The following AIM2 variants were observed in gnomAD, a reference collection of about 807,000 sequenced individuals.
AIM2 encodes the protein absent in melanoma 2.
Under a neutral mutation model 27.7 loss-of-function variants are expected in AIM2, and 30 were observed. The observed-to-expected ratio is 1.08, with a 90% CI of 0.81 to 1.47. The LOEUF is 1.47. AIM2 is among the 40% of genes most tolerant of loss of function. The pLI is 0.00. For synonymous variants in AIM2, 141 were observed against 145.3 expected (o/e 0.97, Z 0.21); for missense variants, 358 against 411.3 (o/e 0.87, Z 1.12).
At chr1:159,061,335 T>C (rs573966470), downstream of AIM2, among the ~76,000 whole-genome samples, 6 of 152,282 alleles carry the variant, frequency 3.9e-5, no homozygotes, top group South Asian at 4.1e-4. Flanking sequence ...ATTTTAAACA[T>C]TTAATTGGTT....
At chr1:159,115,532 T>C (rs926348858) in intron 1 of AIM2, among the ~76,000 whole-genome samples, 14 of 152,218 alleles carry the variant, frequency 9.2e-5, no homozygotes, top group Admixed American at 3.3e-4. Context: ...TAATGCCGCA[T>C]ATCCACAACC....
At chr1:159,140,805 A>G (rs552669393), upstream of AIM2, among the ~76,000 whole-genome samples, 1 of 152,308 alleles carries the variant, frequency 6.6e-6, no homozygotes, top group South Asian at 2.1e-4. Context: ...TGAACGCGGG[A>G]GGAGAGAGGT....
intron 1 of AIM2, among the ~76,000 whole-genome samples, chr1:159,085,610 G>A (rs1052936106): frequency 6.6e-6 from 1 of 152,200 alleles, no homozygotes; most frequent in Non-Finnish European, 1.5e-5. Flanking sequence ...AGACAGTAAC[G>A]TGGGCAGCAT....
intron 1 of AIM2, among the ~76,000 whole-genome samples, chr1:159,107,684 A>C (rs1657480227): frequency 6.6e-6 from 1 of 152,224 alleles, no homozygotes; most frequent in Non-Finnish European, 1.5e-5. Context: ...AGGAAAGAAG[A>C]AAATCCAAAT....
intron 1 of AIM2, among the ~76,000 whole-genome samples, chr1:159,123,791 T>C (rs766132001): frequency 3.9e-5 from 6 of 152,154 alleles, no homozygotes; most frequent in Admixed American, 6.6e-5. Flanking sequence ...AACCACAGTG[T>C]CGGAAGGTAG....
chr1:159,110,916 G>A (rs1657558976), intron 1 of AIM2, among the ~76,000 whole-genome samples: 5 of 152,172 alleles, frequency 3.3e-5, no homozygotes, highest in Admixed American at 3.3e-4. Flanking sequence ...GGGTGAGAGT[G>A]TGGGACTCTT....
intron 1 of AIM2, among the ~76,000 whole-genome samples, chr1:159,101,549 T>A (rs1292721489): frequency 6.6e-6 from 1 of 152,102 alleles, no homozygotes. Context: ...TTAGAACAGT[T>A]TGGAAGGCTC....
Position 159,105,514 on chromosome 1 carries a change from C to A in AIM2, c.-16+34917G>T, listed in dbSNP as rs372558435. Among the ~76,000 whole-genome samples the A allele has an allele frequency of 3.1e-4, 47 of 152,258 alleles. No homozygotes were observed. In the South Asian group the frequency reaches 9.7e-3, roughly 32 times the overall value. ...GTCCAGGAAGAATGAACTAAGTGGACAACTGGAGGGTGAGCAAGGTAGAGA... is the reference window on the plus strand; with the variant it reads ...GTCCAGGAAGAATGAACTAAGTGGAAAACTGGAGGGTGAGCAAGGTAGAGA... On this transcript the variant is annotated intron_variant, in intron 1 of 2. Coordinates refer to the AIM2 transcript ENST00000368129.
intron 1 of AIM2, among the ~76,000 whole-genome samples, chr1:159,117,267 C>G (rs1557910786): frequency 6.6e-6 from 1 of 151,994 alleles, no homozygotes; most frequent in African/African-American, 2.4e-5. Flanking sequence ...CAAGAATCGA[C>G]AAAAAGTTCA....
chr1:159,117,704 C>T (rs573592353), intron 1 of AIM2, among the ~76,000 whole-genome samples: 7 of 152,172 alleles, frequency 4.6e-5, no homozygotes, highest in South Asian at 4.1e-4. Flanking sequence ...GTTGACCTTA[C>T]GAGACTTCTA....
intron 1 of AIM2, among the ~76,000 whole-genome samples, chr1:159,136,329 G>A (rs1350603659): frequency 6.6e-6 from 1 of 152,072 alleles, no homozygotes; most frequent in Non-Finnish European, 1.5e-5. Flanking sequence ...ATTTGTGTTT[G>A]CACCTCCTAT....
chr1:159,068,337 T>C (rs760814978), intron 3 of AIM2, among the ~76,000 whole-genome samples: 2 of 152,220 alleles, frequency 1.3e-5, no homozygotes, highest in Non-Finnish European at 1.5e-5. Flanking sequence ...ATCCAAAACA[T>C]AACAAAGTGT....
At chr1:159,084,278 G>A (rs543291497) in intron 1 of AIM2, among the ~76,000 whole-genome samples, 1 of 152,014 alleles carries the variant, frequency 6.6e-6, no homozygotes, top group East Asian at 1.9e-4. Context: ...AAACCCTGGA[G>A]AGGCAGGGCC....
chr1:159,055,068 G>GTT, the AIM2 span: 2 of 396,602 alleles, frequency 5.0e-6, no homozygotes, highest in Non-Finnish European at 4.6e-6. Flanking sequence ...ATTTTTCATA[G>GTT]TTTTTTTTTA....
In AIM2 at chr1:159,134,918, A is replaced by G. The variant is rs575502806; in HGVS notation, c.-16+5513T>C. On this transcript the variant is annotated intron_variant, in intron 1 of 2. Coordinates refer to the AIM2 transcript ENST00000368129. ...TTCATTTATGCTGTCTCTTTATAGA[A>G]AGCCCTTTCCTTCATTCTTTGCCTA... 2.0e-5 allele frequency among the ~76,000 whole-genome samples: 3 copies of G among 152,332 alleles called. No homozygotes were observed. The South Asian group carries it at 6.2e-4, about 32-fold the overall frequency.
At chr1:159,084,940 A>C (rs1656871669) in intron 1 of AIM2, among the ~76,000 whole-genome samples, 1 of 152,090 alleles carries the variant, frequency 6.6e-6, no homozygotes, top group South Asian at 2.1e-4. Context: ...CTCCACCCAC[A>C]TACACACACA....
chr1:159,091,659 C>A (rs1657046377), intron 1 of AIM2, among the ~76,000 whole-genome samples: 1 of 152,188 alleles, frequency 6.6e-6, no homozygotes. Context: ...TGAAGTCCTG[C>A]CCTCTGGATG....
chr1:159,144,415 A>G (rs1648167411), upstream of AIM2, among the ~76,000 whole-genome samples: 1 of 152,206 alleles, frequency 6.6e-6, no homozygotes, highest in South Asian at 2.1e-4. Flanking sequence ...AAACAGACAA[A>G]GCCTCTTGAT....
In AIM2 at chr1:159,136,990, T is replaced by A. The variant is rs139452678; in HGVS notation, c.-16+3441A>T. Among the ~76,000 whole-genome samples the A allele has an allele frequency of 2.9e-4, 44 of 152,342 alleles. No homozygotes were observed. The East Asian group carries it at 8.1e-3, about 28-fold the overall frequency. On this transcript the variant is annotated intron_variant, in intron 1 of 2. Coordinates refer to the AIM2 transcript ENST00000368129. ...AAAGGCTTTGGGCCCAGGAGACCTC[T>A]AAACCTGCCTACATATCTGACTCTA...
Sources: allele counts gnomAD v4.1 joint callset (sites outside exome capture counted in the v4.1 genomes callset), GRCh38; gene constraint gnomAD v4.1.1; transcripts MANE v1.5; gene names NCBI Gene and HGNC (gene_info 2026-07-23, HGNC 2026-07-21).